Variants in NBAS observed in about 807,000 individuals in gnomAD.
The protein encoded by NBAS is NBAS subunit of NRZ tethering complex.
In NBAS, 219 loss-of-function variants were observed where a neutral mutation model predicts 302.5. The ratio of observed to expected loss-of-function variants is 0.72; its 90% CI spans 0.65 to 0.81. The LOEUF (loss-of-function observed/expected upper bound fraction) is 0.81. NBAS is among the 30% of genes least tolerant of loss of function. The pLI is 0.00. For synonymous variants in NBAS, 1,118 were observed against 1,021.6 expected (o/e 1.09, Z -1.80); for missense variants, 2,932 against 2,841.6 (o/e 1.03, Z -0.72).
intron 50 of NBAS, 66 bp downstream of exon 50, chr2:15,186,676 C>T (rs1665101351): frequency 7.5e-6 from 12 of 1,609,196 alleles, no homozygotes; most frequent in Non-Finnish European, 1.0e-5. Context: ...TCTGGGATTG[C>T]TTACAATAAA....
At chr2:14,846,978 T>C in the NBAS span, among the ~76,000 whole-genome samples, 1 of 152,120 alleles carries the variant, frequency 6.6e-6, no homozygotes, top group Non-Finnish European at 1.5e-5. Flanking sequence ...ATTAATAACA[T>C]TGAATGTAAA....
At chr2:15,230,393 CAAA>C (rs35319491) in intron 47 of NBAS, among the ~76,000 whole-genome samples, 2,698 of 90,524 alleles carry the variant, frequency 0.03, 69 homozygotes, top group African/African-American at 0.091. Context: ...ATTTTTTAGG[CAAA>C]AAAAAAAAAA....
chr2:15,429,668 C>T (rs1443718823), intron 21 of NBAS, among the ~76,000 whole-genome samples: 1 of 152,044 alleles, frequency 6.6e-6, no homozygotes, highest in Non-Finnish European at 1.5e-5. Flanking sequence ...CTCTAGATTA[C>T]AAAATAAGAA....
the NBAS span, among the ~76,000 whole-genome samples, chr2:14,913,386 T>A: frequency 1.3e-5 from 2 of 150,928 alleles, no homozygotes; most frequent in Non-Finnish European, 3.0e-5. Context: ...TTAGGAAGAG[T>A]TAGGTAGCGA....
At chr2:15,012,168 T>C in the NBAS span, among the ~76,000 whole-genome samples, 1 of 151,928 alleles carries the variant, frequency 6.6e-6, no homozygotes. Context: ...GATAATTGAG[T>C]GAAATAAGAA....
chr2:15,314,933 T>G (rs1671438859), intron 38 of NBAS, among the ~76,000 whole-genome samples: 1 of 152,200 alleles, frequency 6.6e-6, no homozygotes, highest in Non-Finnish European at 1.5e-5. Flanking sequence ...ATGATTGCAT[T>G]TAATGAATTC....
At chr2:14,878,739 C>T in the NBAS span, among the ~76,000 whole-genome samples, 1 of 152,168 alleles carries the variant, frequency 6.6e-6, no homozygotes, top group Non-Finnish European at 1.5e-5. Flanking sequence ...ATACAGCCTC[C>T]CCAACTATCA....
the NBAS span, among the ~76,000 whole-genome samples, chr2:14,854,762 TA>T: frequency 6.6e-6 from 1 of 152,142 alleles, no homozygotes; most frequent in Admixed American, 6.5e-5. Flanking sequence ...TCCCAGCTGT[TA>T]AAACTTGAGC....
chr2:14,968,812 T>A, the NBAS span, among the ~76,000 whole-genome samples: 5 of 152,136 alleles, frequency 3.3e-5, no homozygotes, highest in Non-Finnish European at 7.4e-5. Context: ...ACATGTAGAG[T>A]TTTAAATAAT....
chr2:15,447,004 A>G (rs1355482705), intron 21 of NBAS, among the ~76,000 whole-genome samples: 1 of 152,192 alleles, frequency 6.6e-6, no homozygotes. Flanking sequence ...ACAATGAAAA[A>G]TTGAGACAAG....
At chr2:15,111,650 A>G in the NBAS span, among the ~76,000 whole-genome samples, 1 of 152,028 alleles carries the variant, frequency 6.6e-6, no homozygotes, top group Admixed American at 6.6e-5. Flanking sequence ...TTGCTTTCCA[A>G]GAAAAATCCC....
chr2:15,075,861 G>C, the NBAS span, among the ~76,000 whole-genome samples: 32 of 152,136 alleles, frequency 2.1e-4, 1 homozygote, highest in South Asian at 5.8e-3. Context: ...GAATGAAGTT[G>C]GTTGGTAAAA....
the NBAS span, among the ~76,000 whole-genome samples, chr2:15,108,809 A>G: frequency 6.6e-6 from 1 of 152,124 alleles, no homozygotes; most frequent in Non-Finnish European, 1.5e-5. Context: ...TGTCTGAGAA[A>G]GGGTTTTTAC....
the NBAS span, among the ~76,000 whole-genome samples, chr2:14,996,862 T>A: frequency 1.3e-5 from 2 of 152,118 alleles, no homozygotes; most frequent in African/African-American, 4.8e-5. Context: ...TGTGCAAAAG[T>A]TAAAATCTCT....
At chr2:15,116,829 C>T in the NBAS span, among the ~76,000 whole-genome samples, 78 of 152,234 alleles carry the variant, frequency 5.1e-4, no homozygotes, top group African/African-American at 1.8e-3. Context: ...CTTTCTTCCT[C>T]ATTTTAGGAA....
At chr2:15,141,931 T>A in the NBAS span, among the ~76,000 whole-genome samples, 1 of 152,170 alleles carries the variant, frequency 6.6e-6, no homozygotes, top group Non-Finnish European at 1.5e-5. Context: ...GAAAGAGAAA[T>A]AATGAGCTCT....
chr2:14,990,717 A>G, the NBAS span, among the ~76,000 whole-genome samples: 1 of 152,146 alleles, frequency 6.6e-6, no homozygotes, highest in African/African-American at 2.4e-5. Flanking sequence ...TTCCTGCCTC[A>G]GCCTCCAGAG....
the NBAS span, among the ~76,000 whole-genome samples, chr2:15,087,293 A>G: frequency 6.6e-6 from 1 of 152,148 alleles, no homozygotes; most frequent in Non-Finnish European, 1.5e-5. Context: ...GAATTCTAAT[A>G]CAGTTATTAT....
intron 40 of NBAS, among the ~76,000 whole-genome samples, chr2:15,294,131 G>C (rs1670442318): frequency 6.6e-6 from 1 of 152,236 alleles, no homozygotes; most frequent in African/African-American, 2.4e-5. Flanking sequence ...TATTAGGACA[G>C]ACAGTCATGC....
Sources: allele counts gnomAD v4.1 joint callset (sites outside exome capture counted in the v4.1 genomes callset), GRCh38; gene constraint gnomAD v4.1.1; transcripts MANE v1.5; gene names NCBI Gene and HGNC (gene_info 2026-07-23, HGNC 2026-07-21).